ROBO1: variants seen among roughly 807,000 people sequenced by gnomAD.
ROBO1 encodes the protein roundabout guidance receptor 1, also known as roundabout homolog 1.
ROBO1 carries 149 observed loss-of-function variants against 195.9 expected under a neutral mutation model. The observed-to-expected ratio is 0.76, with a 90% CI of 0.67 to 0.87. ROBO1 has a LOEUF of 0.87. Ranked by LOEUF, ROBO1 falls within the 40% of genes least tolerant of loss-of-function variation. The pLI is 0.00. For missense variants in ROBO1, 1,933 were observed against 2,068.3 expected (o/e 0.93, Z 1.27); for synonymous variants, 816 against 733.2 (o/e 1.11, Z -1.82).
intron 2 of ROBO1, among the ~76,000 whole-genome samples, chr3:79,183,600 A>G (rs1010500624): frequency 6.6e-6 from 1 of 152,216 alleles, no homozygotes; most frequent in Non-Finnish European, 1.5e-5. Context: ...GCAGTAGAAG[A>G]AAAAAATAGA....
intron 3 of ROBO1, among the ~76,000 whole-genome samples, chr3:78,948,498 A>G (rs2040583892): frequency 6.6e-6 from 1 of 152,204 alleles, no homozygotes; most frequent in African/African-American, 2.4e-5. Flanking sequence ...TAAAGTAGGT[A>G]TTGATGGGAC....
At chr3:78,727,353 G>A (rs1237881990) in intron 5 of ROBO1, among the ~76,000 whole-genome samples, 11 of 152,226 alleles carry the variant, frequency 7.2e-5, no homozygotes, top group Admixed American at 4.6e-4. Flanking sequence ...TCGGCCGGGC[G>A]CGGTGGCTCA....
chr3:78,964,565 G>C (rs896755770), intron 3 of ROBO1, among the ~76,000 whole-genome samples: 6 of 152,098 alleles, frequency 3.9e-5, no homozygotes, highest in African/African-American at 1.4e-4. Flanking sequence ...AGTTTCAGAA[G>C]TACAGTGACA....
intron 2 of ROBO1, among the ~76,000 whole-genome samples, chr3:79,502,661 C>T (rs561952992): frequency 1.5e-4 from 23 of 152,018 alleles, no homozygotes; most frequent in Non-Finnish European, 2.9e-4. Flanking sequence ...GCGAGATCCA[C>T]TGGGTGAGGC....
rs538780574 is a variant in ROBO1 at position 79,157,533 on chromosome 3, C to T, written c.89-31994G>A. Among the ~76,000 whole-genome samples, 4 of 152,010 alleles carry T rather than the reference C, an allele frequency of 2.6e-5. No homozygotes were observed. In the South Asian group the frequency reaches 6.2e-4, roughly 24 times the overall value. ...TCTGCCATCAGCAGTTTAAACCTAA[C>T]ATCATATACTTATCACACTTTCAGA... On this transcript the variant is annotated intron_variant, in intron 2 of 30. Transcript: ENST00000464233.
At chr3:79,708,808 A>T (rs769562169) in intron 1 of ROBO1, among the ~76,000 whole-genome samples, 13 of 152,216 alleles carry the variant, frequency 8.5e-5, no homozygotes, top group Admixed American at 2.6e-4. Context: ...TGGAGGCTGC[A>T]GTGAGCTGTG....
chr3:79,473,431 A>G (rs1042737023), intron 2 of ROBO1, among the ~76,000 whole-genome samples: 3 of 152,092 alleles, frequency 2.0e-5, no homozygotes, highest in African/African-American at 7.2e-5. Context: ...TAGCCTAGCA[A>G]ATCATATTTG....
intron 2 of ROBO1, among the ~76,000 whole-genome samples, chr3:79,128,680 A>C (rs540746564): frequency 1.3e-5 from 2 of 152,154 alleles, no homozygotes; most frequent in Admixed American, 6.6e-5. Flanking sequence ...TCAGGGTTGG[A>C]AATGGGTCAG....
chr3:79,733,231 C>A (rs1703230105), intron 1 of ROBO1, among the ~76,000 whole-genome samples: 1 of 152,194 alleles, frequency 6.6e-6, no homozygotes, highest in Non-Finnish European at 1.5e-5. Context: ...GCACAGATAA[C>A]AAGTGCCCAA....
rs867745776 is a variant in ROBO1, at chr3:78,617,852, A to T, written c.4065T>A (p.Pro1355=). ...TCTCCAGGTCCCCAACACTGGAGGC[A>T]GGTGTCTGCTCAAGCCCACGTAACA... ...RLLLRGLEQT[P]ASSVGDLESS... Residue 1355 remains proline (P), a synonymous_variant, in exon 27 of 31, where the codon CCT becomes CCA. Transcript: ENST00000464233. The T allele has an allele frequency of 1.2e-5, 19 of 1,613,972 alleles. No individual in the cohort carries two copies. The Middle Eastern group carries it at 2.8e-3, about 238-fold the overall frequency.
At chr3:79,086,176 C>G (rs2079365954) in intron 3 of ROBO1, among the ~76,000 whole-genome samples, 1 of 150,280 alleles carries the variant, frequency 6.7e-6, no homozygotes, top group African/African-American at 2.5e-5. Flanking sequence ...ATATTGTATC[C>G]AAAGAAGTCC....
chr3:79,635,835 C>A (rs1945480108), intron 1 of ROBO1, among the ~76,000 whole-genome samples: 1 of 151,986 alleles, frequency 6.6e-6, no homozygotes, highest in Admixed American at 6.6e-5. Flanking sequence ...AACTGTTATC[C>A]CTTCTAAGCC....
At chr3:78,707,512 A>C (rs2081581197) in intron 8 of ROBO1, among the ~76,000 whole-genome samples, 1 of 152,252 alleles carries the variant, frequency 6.6e-6, no homozygotes, top group Admixed American at 6.5e-5. Context: ...TCAACAATAA[A>C]TTTAAAGCAA....
intron 1 of ROBO1, among the ~76,000 whole-genome samples, chr3:79,688,334 G>A (rs969022373): frequency 1.3e-5 from 2 of 151,746 alleles, no homozygotes; most frequent in Admixed American, 6.6e-5. Flanking sequence ...TAACCTGCAC[G>A]TTGTGCACAT....
intron 2 of ROBO1, among the ~76,000 whole-genome samples, chr3:79,144,716 A>G (rs2080608226): frequency 1.3e-5 from 2 of 151,940 alleles, no homozygotes; most frequent in African/African-American, 4.8e-5. Context: ...TATATAGTTG[A>G]TATTACAAAC....
intron 4 of ROBO1, among the ~76,000 whole-genome samples, chr3:78,780,245 T>A (rs1206787315): frequency 2.0e-5 from 3 of 152,118 alleles, no homozygotes; most frequent in Non-Finnish European, 4.4e-5. Flanking sequence ...TCCCAGAATT[T>A]AAAGTATAAA....
At chr3:79,441,017 T>C (rs2039037585) in intron 2 of ROBO1, among the ~76,000 whole-genome samples, 1 of 152,148 alleles carries the variant, frequency 6.6e-6, no homozygotes, top group African/African-American at 2.4e-5. Context: ...TACGGAGCAA[T>C]TCATATCAAA....
At chr3:79,282,820 T>C (rs1168860279) in intron 2 of ROBO1, among the ~76,000 whole-genome samples, 1 of 152,126 alleles carries the variant, frequency 6.6e-6, no homozygotes, top group Non-Finnish European at 1.5e-5. Flanking sequence ...TTATATAATT[T>C]AAAGCCGTAA....
At chr3:79,448,629 C>T (rs2039345443) in intron 2 of ROBO1, among the ~76,000 whole-genome samples, 2 of 152,008 alleles carry the variant, frequency 1.3e-5, no homozygotes, top group African/African-American at 4.8e-5. Context: ...TTCCTCACCG[C>T]GATATGAGCT....
Sources: gnomAD v4.1 joint callset for allele counts (sites outside exome capture counted in the v4.1 genomes callset) on GRCh38, gnomAD v4.1.1 for gene constraint, MANE v1.5 for transcripts, NCBI Gene and HGNC (gene_info 2026-07-23, HGNC 2026-07-21) for gene names.